The following ASAH2 variants were observed in gnomAD, a reference collection of about 807,000 sequenced individuals.
ASAH2 encodes N-acylsphingosine amidohydrolase 2, also known as neutral ceramidase.
ASAH2 carries 58 observed loss-of-function variants against 82.9 expected under a neutral mutation model. That is an observed-to-expected ratio of 0.70 (90% confidence interval 0.57 to 0.87). The LOEUF (loss-of-function observed/expected upper bound fraction) is 0.87, where lower values mean the gene tolerates loss of function less well. Among genes scored for constraint, ASAH2 ranks in the 40% least tolerant of loss-of-function variants. The pLI, the probability that ASAH2 is intolerant of heterozygous loss-of-function variation, is 0.00. For synonymous variants in ASAH2, 276 were observed against 289.7 expected (o/e 0.95, Z 0.48); for missense variants, 779 against 834.0 (o/e 0.93, Z 0.81).
rs986234024 is a variant in ASAH2 at position 50,215,479 on chromosome 10, A to C, written c.1015-611T>G. Among the ~76,000 whole-genome samples the C allele has an allele frequency of 4.8e-3, 735 of 152,082 alleles. 8 individuals carry two copies. The highest frequency in any genetic ancestry group is 0.017 in the African/African-American group (699 of 41,482). On this transcript the variant is annotated intron_variant, in intron 8 of 20. Transcript: ENST00000682911. ...TCCATCTTGAGTTAATTTTTGTATA[A>C]GGTGTAAGGAAGGGGTCCAGTTTCA... is the stretch of plus-strand genomic sequence containing the variant.
At chr10:50,229,298 C>A (rs1845970160) in intron 7 of ASAH2, among the ~76,000 whole-genome samples, 1 of 151,932 alleles carries the variant, frequency 6.6e-6, no homozygotes. Context: ...TCAGAACATC[C>A]ACAACATGTT....
At chr10:50,209,463 C>T (rs1201222052) in intron 12 of ASAH2, among the ~76,000 whole-genome samples, 1 of 152,102 alleles carries the variant, frequency 6.6e-6, no homozygotes, top group Non-Finnish European at 1.5e-5. Context: ...GATTGTCCTG[C>T]CTCAGCCTCC....
rs1177402723 is a variant in ASAH2, at chr10:50,222,782, T to C, written c.894-4152A>G. Among the ~76,000 whole-genome samples, 9 of 152,320 alleles carry C rather than the reference T, an allele frequency of 5.9e-5. No homozygotes were observed. The East Asian group carries it at 1.2e-3, about 20-fold the overall frequency. Reference sequence around the variant, plus strand: ...CACAGCAACCAAAGTACTATAGTTATGGATGAATATTTATAAAGATATGCA... The same window carrying C: ...CACAGCAACCAAAGTACTATAGTTACGGATGAATATTTATAAAGATATGCA... On this transcript the variant is annotated intron_variant, in intron 7 of 20. Coordinates refer to ENST00000682911, the MANE Select transcript of ASAH2 (RefSeq NM_019893.4).
chr10:50,239,833 T>TTTTTC (rs1275282504), intron 4 of ASAH2, among the ~76,000 whole-genome samples: 1 of 145,922 alleles, frequency 6.9e-6, no homozygotes, highest in Non-Finnish European at 1.5e-5. Flanking sequence ...ATTTAATTTT[T>TTTTTC]TTTTTTTTTT....
chr10:50,187,114 TCTCTCACACACACA>T lies in ASAH2; in HGVS notation c.*187_*200del, dbSNP rs1212191728. 82 of 261,954 alleles carry T rather than the reference TCTCTCACACACACA, an allele frequency of 3.1e-4. No individual in the cohort carries two copies. The highest frequency in any genetic ancestry group is 2.1e-3 in the African/African-American group (59 of 27,600). The allele number at this position is 261,954 out of a possible 1,614,324, so 16.2% of individuals were successfully genotyped here. A position where few individuals can be genotyped will look rare whatever the true frequency, so the allele number is the denominator to read the frequency against. ...CTCTCTCTCTCTCTCTCTCTCTCTC[TCTCTCACACACACA>T]CACACACACACACACACACACACAC... On this transcript the variant is annotated 3_prime_UTR_variant, in exon 21 of 21. Coordinates refer to ENST00000682911, the MANE Select transcript of ASAH2 (RefSeq NM_019893.4).
intron 8 of ASAH2, among the ~76,000 whole-genome samples, chr10:50,216,037 C>A (rs950922654): frequency 3.9e-5 from 6 of 151,914 alleles, no homozygotes; most frequent in Non-Finnish European, 5.9e-5. Context: ...TGGAAACCAT[C>A]ATTCTCAGCA....
chr10:50,222,168 A>C (rs1845766605), intron 7 of ASAH2, among the ~76,000 whole-genome samples: 1 of 152,188 alleles, frequency 6.6e-6, no homozygotes, highest in Non-Finnish European at 1.5e-5. Context: ...AAGGATCGTA[A>C]AGAGGAATCA....
intron 2 of ASAH2, among the ~76,000 whole-genome samples, chr10:50,248,272 C>T (rs1308196144): frequency 2.0e-5 from 3 of 152,200 alleles, no homozygotes; most frequent in Admixed American, 2.0e-4. Context: ...GTCAGAATGC[C>T]TGTCAGCTGG....
At chr10:50,246,596 C>A (rs1010521163) in intron 2 of ASAH2, among the ~76,000 whole-genome samples, 1 of 152,124 alleles carries the variant, frequency 6.6e-6, no homozygotes, top group Non-Finnish European at 1.5e-5. Flanking sequence ...AACATAATCT[C>A]CTCAGTTTTG....
rs1171802858 is a variant in ASAH2 at position 50,186,451 on chromosome 10, C to G, written c.*864G>C. On this transcript the variant is annotated 3_prime_UTR_variant, in exon 21 of 21. Transcript: ENST00000682911. ...TCCCAGCCAGTAATATTTTTAATAT[C>G]TACACTAATGGCAAAACTTTCTGGT... The G allele has an allele frequency of 8.1e-5, 4 of 49,652 alleles. 2 individuals are homozygous for G. Among genetic ancestry groups the G allele is most frequent in the African/African-American group, 1.8e-4 (4 of 22,518 alleles). The allele number at this position is 49,652 out of a possible 1,614,324, so 3.1% of individuals were successfully genotyped here.
At chr10:50,214,009 G>T (rs1845531336) in intron 9 of ASAH2, among the ~76,000 whole-genome samples, 1 of 152,152 alleles carries the variant, frequency 6.6e-6, no homozygotes, top group Non-Finnish European at 1.5e-5. Flanking sequence ...AATGAACATT[G>T]TGGGAGTTAA....
At chr10:50,238,910 C>A (rs895648547) in intron 4 of ASAH2, among the ~76,000 whole-genome samples, 1 of 151,544 alleles carries the variant, frequency 6.6e-6, no homozygotes, top group East Asian at 1.9e-4. Flanking sequence ...GGACTTCTAG[C>A]GGGGAGAAAA....
chr10:50,204,643 T>A (rs1845246981), intron 14 of ASAH2, among the ~76,000 whole-genome samples: 1 of 151,946 alleles, frequency 6.6e-6, no homozygotes, highest in Non-Finnish European at 1.5e-5. Context: ...TTTTTTAATT[T>A]TCATGTCTGC....
chr10:50,213,486 A>G (rs1418296442), intron 9 of ASAH2, among the ~76,000 whole-genome samples: 1 of 152,188 alleles, frequency 6.6e-6, no homozygotes. Flanking sequence ...TCTGGGGAAA[A>G]AAATCAATAA....
intron 4 of ASAH2, 115 bp downstream of exon 4, chr10:50,243,087 A>C (rs914267369): frequency 3.4e-6 from 4 of 1,176,098 alleles, no homozygotes; most frequent in Non-Finnish European, 4.9e-6. Context: ...ATAATATTGA[A>C]GGTAATAGAA....
chr10:50,248,686 T>A lies in ASAH2; in HGVS notation c.-36-40A>T, dbSNP rs1564855660. On this transcript the variant is annotated intron_variant, in intron 1 of 20. Transcript: ENST00000682911. ...ATCACAAATTAAAATGCAAATGCTT[T>A]AAGCCAACCGAGGTTAAGATATCTT... 2.7e-6 allele frequency: 4 copies of A among 1,466,174 alleles called. No homozygotes were observed. In the African/African-American group the frequency reaches 4.2e-5, roughly 15 times the overall value. The allele number at this position is 1,466,174 out of a possible 1,614,324, so 90.8% of individuals were successfully genotyped here.
intron 4 of ASAH2, chr10:50,240,684 T>A: frequency 1.5e-6 from 1 of 678,442 alleles, no homozygotes; most frequent in Admixed American, 2.1e-5. Context: ...TGAAAGAGTC[T>A]ACATCCCTCC....
Position 50,213,019 on chromosome 10 carries a change from A to G in ASAH2, c.1180T>C (p.Phe394Leu). 1 of 1,613,824 alleles carries G rather than the reference A, an allele frequency of 6.2e-7. No individual in the cohort carries two copies. Among genetic ancestry groups the G allele is most frequent in the Non-Finnish European group, 8.5e-7 (1 of 1,179,744 alleles). Residue 394 changes from phenylalanine to leucine, a missense_variant, in exon 10 of 21, where the codon TTT (phenylalanine) becomes CTT (leucine). This residue lies in a region of ASAH2 where 759 missense variants were observed against 755.2 expected (regional missense o/e 1.00). Transcript: ENST00000682911. ...CGTCCTATAATTTGTGTGCTGTCAA[A>G]CATATCCTGTCCAGGTCCCTTAGCA... is the stretch of plus-strand genomic sequence containing the variant. Reference protein sequence around the residue: ...CIAKGPGQDMFDSTQIIGRAM... With the variant: ...CIAKGPGQDMLDSTQIIGRAM...
chr10:50,242,139 C>T (rs772673141), intron 4 of ASAH2, among the ~76,000 whole-genome samples: 1 of 152,140 alleles, frequency 6.6e-6, no homozygotes, highest in Non-Finnish European at 1.5e-5. Context: ...AGTTACCTAC[C>T]TTCTCTAAGA....
Sources: allele counts gnomAD v4.1 joint callset (sites outside exome capture counted in the v4.1 genomes callset), GRCh38; gene constraint gnomAD v4.1.1; regional missense constraint gnomAD v4.1.1; transcripts MANE v1.5; gene names NCBI Gene and HGNC (gene_info 2026-07-23, HGNC 2026-07-21).